Variants in TFDP2 observed in about 807,000 individuals in gnomAD.
The protein encoded by TFDP2 is transcription factor Dp-2 (E2F dimerization partner 2).
Under a neutral mutation model 59.3 loss-of-function variants are expected in TFDP2, and 17 were observed. The ratio of observed to expected loss-of-function variants is 0.29; its 90% CI spans 0.20 to 0.43. The LOEUF is 0.43. Among genes scored for constraint, TFDP2 ranks in the 20% least tolerant of loss-of-function variants. The pLI, the probability that TFDP2 is intolerant of heterozygous loss-of-function variation, is 1.00. For synonymous variants in TFDP2, 180 were observed against 194.7 expected (o/e 0.92, Z 0.63); for missense variants, 391 against 528.8 (o/e 0.74, Z 2.56).
chr3:141,985,516 T>C lies in TFDP2; in HGVS notation c.357-6834A>G, dbSNP rs1460789822. ...GCCTGGGAGACAGAGCAAGACGCTG[T>C]CTCAAAAAAAAAAAAAAAAAAAAAA... On this transcript the variant is annotated intron_variant, in intron 6 of 12. Coordinates refer to ENST00000489671, the MANE Select transcript of TFDP2 (RefSeq NM_001178139.2). Among the ~76,000 whole-genome samples the C allele has an allele frequency of 4.7e-5, 4 of 85,460 alleles. No individual in the cohort carries two copies. The Admixed American group carries it at 5.7e-4, about 12-fold the overall frequency. The allele number at this position is 85,460 out of a possible 152,430, so 56.1% of individuals were successfully genotyped here.
chr3:141,969,589 C>A (rs374301861), intron 9 of TFDP2, among the ~76,000 whole-genome samples: 1 of 151,754 alleles, frequency 6.6e-6, no homozygotes, highest in Non-Finnish European at 1.5e-5. Context: ...TCCAGCCTGG[C>A]GAAAGAGTGA....
intron 9 of TFDP2, among the ~76,000 whole-genome samples, chr3:141,968,106 A>G (rs1159398884): frequency 1.3e-5 from 2 of 151,074 alleles, no homozygotes; most frequent in Non-Finnish European, 2.9e-5. Context: ...TGCCGGGGGG[A>G]AGAAGATGGC....
intron 3 of TFDP2, among the ~76,000 whole-genome samples, chr3:142,077,700 C>T (rs747330401): frequency 6.6e-6 from 1 of 152,042 alleles, no homozygotes; most frequent in African/African-American, 2.4e-5. Flanking sequence ...ACTTCATGGG[C>T]CTTGGGTGAG....
At chr3:142,139,062 A>G (rs2062838761) in intron 1 of TFDP2, among the ~76,000 whole-genome samples, 2 of 152,200 alleles carry the variant, frequency 1.3e-5, no homozygotes, top group African/African-American at 4.8e-5. Context: ...TATTGGGTGC[A>G]TATACATTTA....
At chr3:142,131,307 T>C (rs1432395537) in intron 1 of TFDP2, among the ~76,000 whole-genome samples, 1 of 150,036 alleles carries the variant, frequency 6.7e-6, no homozygotes, top group Non-Finnish European at 1.5e-5. Context: ...TTTATAAACA[T>C]ATAAAGCAAA....
chr3:141,965,928 C>T (rs1261556652), intron 9 of TFDP2, among the ~76,000 whole-genome samples: 1 of 151,910 alleles, frequency 6.6e-6, no homozygotes, highest in Non-Finnish European at 1.5e-5. Context: ...TGCTTAAATA[C>T]TCCTGCATAG....
intron 2 of TFDP2, among the ~76,000 whole-genome samples, chr3:142,097,938 C>T (rs557058253): frequency 6.6e-6 from 1 of 151,988 alleles, no homozygotes; most frequent in Non-Finnish European, 1.5e-5. Flanking sequence ...ATTACAGGCA[C>T]ACTGCCACCA....
At chr3:141,987,288 TG>T (rs1274366108) in intron 6 of TFDP2, among the ~76,000 whole-genome samples, 16 of 151,624 alleles carry the variant, frequency 1.1e-4, no homozygotes, top group Admixed American at 2.0e-4. Context: ...TGTGTGTGTG[TG>T]TGTGTGTGTT....
intron 3 of TFDP2, among the ~76,000 whole-genome samples, chr3:142,058,060 G>T (rs371425978): frequency 6.6e-6 from 1 of 152,146 alleles, no homozygotes; most frequent in African/African-American, 2.4e-5. Context: ...TCACAGAAAC[G>T]GAGATAAGGA....
At position 141,952,927 on chromosome 3, in the gene TFDP2, T is replaced by A; in HGVS notation, c.1141A>T (p.Thr381Ser). The A allele has an allele frequency of 6.2e-7, 1 of 1,613,998 alleles. No individual in the cohort carries two copies. The highest frequency in any genetic ancestry group is 8.5e-7 in the Non-Finnish European group (1 of 1,179,940). ...AATACGTACCTTGACTGGGGTAAGG[T>A]GGCACCAGTGGTCAGGTCTAAATTT... ...VSNLDLTTGA[T>S]LPQSSVNQGL... Residue 381 changes from threonine (T) to serine (S), a missense_variant, in exon 12 of 13, where the codon ACC becomes TCC. Coordinates refer to ENST00000489671, the MANE Select transcript of TFDP2 (RefSeq NM_001178139.2).
chr3:141,983,509 A>AACT (rs1941716767), intron 6 of TFDP2, among the ~76,000 whole-genome samples: 1 of 151,940 alleles, frequency 6.6e-6, no homozygotes, highest in South Asian at 2.1e-4. Flanking sequence ...GTGGTGGTAC[A>AACT]CATCTGTAAT....
intron 3 of TFDP2, among the ~76,000 whole-genome samples, chr3:142,091,371 A>G (rs2060992093): frequency 6.6e-6 from 1 of 152,076 alleles, no homozygotes; most frequent in Non-Finnish European, 1.5e-5. Context: ...AACCTGGCCA[A>G]CAAGGTGAAA....
chr3:142,135,895 T>C (rs1214343561), intron 1 of TFDP2, among the ~76,000 whole-genome samples: 2 of 152,094 alleles, frequency 1.3e-5, no homozygotes, highest in East Asian at 3.8e-4. Flanking sequence ...AGTAGCATGA[T>C]TTATAATCCT....
chr3:142,104,238 G>A (rs780657824), intron 1 of TFDP2, among the ~76,000 whole-genome samples: 5 of 151,846 alleles, frequency 3.3e-5, no homozygotes, highest in South Asian at 2.1e-4. Flanking sequence ...TATTTCTTAC[G>A]TCCTCTCTAG....
chr3:142,015,302 T>C (rs1471689285), intron 3 of TFDP2, among the ~76,000 whole-genome samples: 4 of 152,220 alleles, frequency 2.6e-5, no homozygotes, highest in African/African-American at 7.2e-5. Context: ...ATCTATTCCT[T>C]GAACTTTGGA....
chr3:142,146,939 T>C (rs1354595914), intron 1 of TFDP2, among the ~76,000 whole-genome samples: 1 of 151,552 alleles, frequency 6.6e-6, no homozygotes, highest in Non-Finnish European at 1.5e-5. Flanking sequence ...AAAATTAGAG[T>C]TGTCCAAACA....
chr3:141,995,686 C>T (rs987675554), intron 4 of TFDP2, among the ~76,000 whole-genome samples: 2 of 151,890 alleles, frequency 1.3e-5, no homozygotes, highest in Non-Finnish European at 2.9e-5. Context: ...GAGTTCAAGA[C>T]CAGCCTGGCC....
rs373850949 is a variant in TFDP2, at chr3:142,147,173, A to C, written c.-93+2010T>G. Among the ~76,000 whole-genome samples the C allele has an allele frequency of 7.2e-5, 11 of 152,250 alleles. No individual in the cohort carries two copies. The East Asian group carries it at 1.5e-3, about 21-fold the overall frequency. ...CATAATTTTGCATAATATTTCCAAG[A>C]GTTCACAAGCCTACTTTCATATCTA... On this transcript the variant is annotated intron_variant, in intron 1 of 12. Transcript: ENST00000489671.
chr3:142,131,890 C>T (rs1419439433), intron 1 of TFDP2, among the ~76,000 whole-genome samples: 4 of 148,476 alleles, frequency 2.7e-5, no homozygotes, highest in Non-Finnish European at 4.4e-5. Flanking sequence ...CCTGTAATCC[C>T]AGCTACTCGG....
Sources: gnomAD v4.1 joint callset for allele counts (sites outside exome capture counted in the v4.1 genomes callset) on GRCh38, gnomAD v4.1.1 for gene constraint, MANE v1.5 for transcripts, NCBI Gene and HGNC (gene_info 2026-07-23, HGNC 2026-07-21) for gene names.